Variants in ZNF267 observed in about 807,000 individuals in gnomAD.
The protein encoded by ZNF267 is zinc finger (C2H2).
ZNF267 carries 61 observed loss-of-function variants against 71.6 expected under a neutral mutation model. That is an observed-to-expected ratio of 0.85 (90% confidence interval 0.69 to 1.05). ZNF267 has a LOEUF of 1.05. ZNF267 is among the 50% of genes least tolerant of loss of function. The probability of loss-of-function intolerance (pLI) is 0.00; values close to 1 mark genes in which losing one functional copy is unlikely to be tolerated. For synonymous variants in ZNF267, 288 were observed against 293.2 expected (o/e 0.98, Z 0.18); for missense variants, 852 against 870.0 (o/e 0.98, Z 0.26).
In ZNF267 at chr16:31,914,572, T is replaced by C; in HGVS notation, c.323T>C (p.Leu108Pro). 3.1e-6 allele frequency: 5 copies of C among 1,614,148 alleles called. No homozygotes were observed. The highest frequency in any genetic ancestry group is 4.2e-6 in the Non-Finnish European group (5 of 1,180,026). The change falls in exon 4 of 4, where the codon CTT (leucine) becomes CCT (proline). Residue 108 changes from leucine (L) to proline (P), a missense_variant. Physicochemically the swap from Leu to Pro is moderately conservative, Grantham distance 98. Coordinates refer to ENST00000300870, the MANE Select transcript of ZNF267 (RefSeq NM_003414.6). Reference protein sequence around the residue: ...VISRRHGSCDLENLHLRKRWK... With the variant: ...VISRRHGSCDPENLHLRKRWK... ...TCGAGGAGACATGGGAGCTGTGATC[T>C]TGAGAATTTACATTTAAGAAAAAGG...
intron 3 of ZNF267, among the ~76,000 whole-genome samples, chr16:31,908,510 C>G (rs2084109607): frequency 6.6e-6 from 1 of 152,084 alleles, no homozygotes; most frequent in Non-Finnish European, 1.5e-5. Flanking sequence ...CCAATGTTTT[C>G]TTGTAGTAGT....
chr16:31,894,364 T>C (rs1373942158), intron 3 of ZNF267, among the ~76,000 whole-genome samples: 3 of 152,254 alleles, frequency 2.0e-5, no homozygotes, highest in African/African-American at 4.8e-5. Flanking sequence ...GTCTTCCTTA[T>C]AGCTTGAAGA....
chr16:31,914,339 T>G, intron 3 of ZNF267, 137 bp from the exon 4 acceptor site: 1 of 742,272 alleles, frequency 1.3e-6, no homozygotes, highest in Non-Finnish European at 2.1e-6. Flanking sequence ...TGTATATCAA[T>G]TGAGAAAACA....
rs2084165013 is a variant in ZNF267 at position 31,915,189 on chromosome 16, A to G, written c.940A>G (p.Ile314Val). The G allele has an allele frequency of 5.0e-6, 8 of 1,613,102 alleles. No individual in the cohort carries two copies. Among genetic ancestry groups the G allele is most frequent in the South Asian group, 1.1e-5 (1 of 90,880 alleles). Residue 314 changes from isoleucine to valine, a missense_variant, in exon 4 of 4, where the codon ATA becomes GTA. Coordinates refer to ENST00000300870, the MANE Select transcript of ZNF267 (RefSeq NM_003414.6). ...LSQSSNLRKQIIHNEEKPYKC... is the reference protein window; with the variant it reads ...LSQSSNLRKQVIHNEEKPYKC... ...TCAGTCATCAAATCTTAGAAAGCAG[A>G]TAATCCATAATGAAGAGAAACCATA... is the stretch of plus-strand genomic sequence containing the variant.
chr16:31,880,469 T>C (rs980918070), intron 1 of ZNF267, among the ~76,000 whole-genome samples: 4 of 152,172 alleles, frequency 2.6e-5, no homozygotes, highest in African/African-American at 9.7e-5. Flanking sequence ...TAATAACATA[T>C]CTGGATCCTG....
At chr16:31,900,367 A>G (rs1038411989) in intron 3 of ZNF267, among the ~76,000 whole-genome samples, 1 of 152,188 alleles carries the variant, frequency 6.6e-6, no homozygotes, top group African/African-American at 2.4e-5. Context: ...CAATATAAAG[A>G]ACTGACTCCT....
Position 31,915,579 on chromosome 16 carries a change from G to A in ZNF267, c.1330G>A (p.Ala444Thr). The change falls in exon 4 of 4, where the codon GCT (alanine) becomes ACT (threonine). Residue 444 changes from alanine (A) to threonine (T), a missense_variant. By Grantham distance (58) the Ala-to-Thr change is moderately conservative (BLOSUM62 0). Coordinates refer to ENST00000300870, the MANE Select transcript of ZNF267 (RefSeq NM_003414.6). The part of the protein sequence containing the change: ...KPYKCKECGK[A>T]FNRSSCLTQH... ...TTATAAATGTAAAGAATGTGGAAAA[G>A]CTTTTAACCGTAGTTCATGCCTTAC... is the stretch of plus-strand genomic sequence containing the variant. 1 of 1,613,302 alleles carries A rather than the reference G, an allele frequency of 6.2e-7. No individual in the cohort carries two copies. The highest frequency in any genetic ancestry group is 8.5e-7 in the Non-Finnish European group (1 of 1,179,868).
At chr16:31,909,790 T>C (rs2084122078) in intron 3 of ZNF267, among the ~76,000 whole-genome samples, 1 of 152,230 alleles carries the variant, frequency 6.6e-6, no homozygotes, top group Non-Finnish European at 1.5e-5. Flanking sequence ...GCACTTCCAG[T>C]ACTATGTTGA....
At chr16:31,898,867 CA>C (rs942309687) in intron 3 of ZNF267, among the ~76,000 whole-genome samples, 27 of 151,838 alleles carry the variant, frequency 1.8e-4, no homozygotes, top group African/African-American at 6.5e-4. Context: ...AGATGGAAAG[CA>C]AAAAAAGCAG....
intron 3 of ZNF267, among the ~76,000 whole-genome samples, chr16:31,893,719 C>T (rs1025743353): frequency 8.5e-5 from 13 of 152,208 alleles, no homozygotes; most frequent in African/African-American, 3.1e-4. Flanking sequence ...CTGCATGCAG[C>T]TGGAGCCAGG....
chr16:31,885,742 A>G (rs1329776546), intron 3 of ZNF267, among the ~76,000 whole-genome samples: 1 of 152,214 alleles, frequency 6.6e-6, no homozygotes, highest in African/African-American at 2.4e-5. Context: ...GTGGTTTCCA[A>G]GGTGATCCTA....
intron 1 of ZNF267, among the ~76,000 whole-genome samples, chr16:31,878,471 T>A (rs1171671323): frequency 6.6e-6 from 1 of 152,128 alleles, no homozygotes; most frequent in Non-Finnish European, 1.5e-5. Flanking sequence ...CCACAGCACC[T>A]TTGCTTCCGG....
At chr16:31,897,813 G>C (rs2084011205) in intron 3 of ZNF267, among the ~76,000 whole-genome samples, 1 of 152,022 alleles carries the variant, frequency 6.6e-6, no homozygotes, top group Admixed American at 6.6e-5. Context: ...AAGCTATTCT[G>C]TTGTAGTCAA....
In ZNF267 at chr16:31,916,488, A is replaced by G. The variant is rs767304482; in HGVS notation, c.*7A>G. The G allele has an allele frequency of 6.2e-7, 1 of 1,601,638 alleles. No homozygotes were observed. The highest frequency in any genetic ancestry group is 8.5e-7 in the Non-Finnish European group (1 of 1,174,002). ...TACTAGAGAAAAACTTTAAAAATGT[A>G]AAACATGGAGCAGATTTTTTACTTG... On this transcript the variant is annotated 3_prime_UTR_variant, in exon 4 of 4. Transcript: ENST00000300870.
At chr16:31,901,263 A>C (rs62052284) in intron 3 of ZNF267, among the ~76,000 whole-genome samples, 1 of 149,948 alleles carries the variant, frequency 6.7e-6, no homozygotes, top group Admixed American at 6.7e-5. Flanking sequence ...ATAAACATAC[A>C]TGTGCATGTG....
At chr16:31,895,185 G>T (rs1362090121) in intron 3 of ZNF267, among the ~76,000 whole-genome samples, 2 of 152,214 alleles carry the variant, frequency 1.3e-5, no homozygotes, top group Non-Finnish European at 2.9e-5. Flanking sequence ...GCTGACGAAG[G>T]CAGCCTGCGG....
chr16:31,915,228 T>C lies in ZNF267; in HGVS notation c.979T>C (p.Cys327Arg), dbSNP rs147319733. ...AGAGAAACCATACAAATGTGAAAAATGTGGGGATAGCTTAAACCATAGTTT... is the reference window on the plus strand; with the variant it reads ...AGAGAAACCATACAAATGTGAAAAACGTGGGGATAGCTTAAACCATAGTTT... Reference protein sequence around the residue: ...NEEKPYKCEKCGDSLNHSLHL... With the variant: ...NEEKPYKCEKRGDSLNHSLHL... Residue 327 changes from cysteine to arginine, a missense_variant, in exon 4 of 4, where the codon TGT (cysteine) becomes CGT (arginine). Physicochemically the swap from Cys to Arg is radical, Grantham distance 180 (BLOSUM62 -3). Transcript: ENST00000300870. 2 of 1,613,616 alleles carry C rather than the reference T, an allele frequency of 1.2e-6. No homozygotes were observed. The highest frequency in any genetic ancestry group is 1.3e-5 in the African/African-American group (1 of 74,838).
intron 1 of ZNF267, among the ~76,000 whole-genome samples, chr16:31,883,873 G>A (rs2083906429): frequency 6.6e-6 from 1 of 152,114 alleles, no homozygotes; most frequent in South Asian, 2.1e-4. Context: ...TGGTGAACTT[G>A]TTAGACATGC....
chr16:31,906,062 A>G (rs1387441993), intron 3 of ZNF267, among the ~76,000 whole-genome samples: 4 of 152,166 alleles, frequency 2.6e-5, no homozygotes, highest in Non-Finnish European at 5.9e-5. Context: ...CAGACCCTGT[A>G]TGTCTGAGTA....
Sources: allele counts gnomAD v4.1 joint callset (sites outside exome capture counted in the v4.1 genomes callset), GRCh38; gene constraint gnomAD v4.1.1; transcripts MANE v1.5; gene names NCBI Gene and HGNC (gene_info 2026-07-23, HGNC 2026-07-21).